The following GJA1 variants were observed in gnomAD, a reference collection of about 807,000 sequenced individuals.
GJA1 encodes the protein gap junction alpha-1 protein.
GJA1 carries 9 observed loss-of-function variants against 31.0 expected under a neutral mutation model. That is an observed-to-expected ratio of 0.29 (90% CI 0.17 to 0.51). GJA1 has a LOEUF of 0.51. GJA1 is among the 20% of genes least tolerant of loss of function. The pLI is 0.98. For synonymous variants in GJA1, 186 were observed against 180.1 expected (o/e 1.03, Z -0.26); for missense variants, 278 against 468.8 (o/e 0.59, Z 3.76).
chr6:121,435,885 G>T (rs1202992076), intron 1 of GJA1, 53 bp downstream of exon 1: 1 of 152,052 alleles, frequency 6.6e-6, no homozygotes, highest in Non-Finnish European at 1.5e-5. Flanking sequence ...TTTTCTACAA[G>T]TAAAACTTTT....
At chr6:121,444,778 A>C (rs1433798528) in intron 1 of GJA1, among the ~76,000 whole-genome samples, 2 of 152,226 alleles carry the variant, frequency 1.3e-5, no homozygotes, top group Non-Finnish European at 2.9e-5. Context: ...TTATTAAACA[A>C]TCTTTGACTA....
intron 1 of GJA1, among the ~76,000 whole-genome samples, chr6:121,437,614 T>G (rs1005985069): frequency 2.4e-4 from 36 of 152,064 alleles, no homozygotes; most frequent in African/African-American, 8.7e-4. Context: ...GTAGCAGCGC[T>G]GCGCCCACCC....
At chr6:121,437,157 C>A (rs1317668943) in intron 1 of GJA1, among the ~76,000 whole-genome samples, 2 of 152,192 alleles carry the variant, frequency 1.3e-5, no homozygotes, top group Admixed American at 6.5e-5. Context: ...GCTGCCCGAA[C>A]CAGCTCGGTC....
At chr6:121,441,951 T>G (rs1456491270) in intron 1 of GJA1, among the ~76,000 whole-genome samples, 3 of 152,190 alleles carry the variant, frequency 2.0e-5, no homozygotes, top group Admixed American at 1.3e-4. Flanking sequence ...TTTGAGTTTT[T>G]GGGCATGAAT....
chr6:121,439,060 G>A (rs1773719139), intron 1 of GJA1, among the ~76,000 whole-genome samples: 1 of 152,092 alleles, frequency 6.6e-6, no homozygotes, highest in Non-Finnish European at 1.5e-5. Context: ...CCCTTTGAGA[G>A]GCTGAGGTGG....
intron 1 of GJA1, among the ~76,000 whole-genome samples, chr6:121,436,193 G>GGGGGC (rs1363721810): frequency 1.8e-5 from 2 of 110,468 alleles, no homozygotes; most frequent in Non-Finnish European, 3.6e-5. Flanking sequence ...GTGGGGGGGG[G>GGGGGC]GCGGTTAGGC....
intron 1 of GJA1, among the ~76,000 whole-genome samples, chr6:121,440,912 T>G (rs566488323): frequency 2.2e-3 from 310 of 142,296 alleles, no homozygotes; most frequent in African/African-American, 7.1e-3. Context: ...TGGCTACTTT[T>G]TTGTTGTTGT....
chr6:121,436,934 A>G (rs1773673560), intron 1 of GJA1, among the ~76,000 whole-genome samples: 1 of 152,254 alleles, frequency 6.6e-6, no homozygotes, highest in Admixed American at 6.5e-5. Flanking sequence ...GCAGCCATGC[A>G]TTTTTGTGCC....
intron 1 of GJA1, among the ~76,000 whole-genome samples, chr6:121,441,387 T>C (rs1027896660): frequency 6.6e-6 from 1 of 152,112 alleles, no homozygotes; most frequent in Non-Finnish European, 1.5e-5. Context: ...CATCTCTTAC[T>C]CTTTCAAGCA....
intron 1 of GJA1, among the ~76,000 whole-genome samples, chr6:121,445,624 G>C (rs1279812214): frequency 6.6e-6 from 1 of 152,200 alleles, no homozygotes; most frequent in Non-Finnish European, 1.5e-5. Flanking sequence ...AAAACACCCT[G>C]AAGTAGGTTT....
intron 1 of GJA1, among the ~76,000 whole-genome samples, chr6:121,442,813 G>A (rs945595119): frequency 6.6e-6 from 1 of 152,134 alleles, no homozygotes; most frequent in African/African-American, 2.4e-5. Context: ...TCCAGTCTAG[G>A]GGGCCATGAA....
At chr6:121,442,427 C>A (rs531180459) in intron 1 of GJA1, among the ~76,000 whole-genome samples, 1 of 152,292 alleles carries the variant, frequency 6.6e-6, no homozygotes, top group South Asian at 2.1e-4. Flanking sequence ...TCTCAGGGAG[C>A]TGCAGATGGA....
In GJA1 at chr6:121,447,499, T is replaced by C. The variant is rs757334937; in HGVS notation, c.652T>C (p.Leu218=). 9 of 1,614,012 alleles carry C rather than the reference T, an allele frequency of 5.6e-6. No individual in the cohort carries two copies. The South Asian group carries it at 8.8e-5, about 16-fold the overall frequency. The change falls in exon 2 of 2, where the codon TTG becomes CTG. Residue 218 remains leucine (L), a synonymous_variant. Transcript: ENST00000282561. ...CATCATCTTCATGCTGGTGGTGTCCTTGGTGTCCCTGGCCTTGAATATCAT... is the reference window on the plus strand; with the variant it reads ...CATCATCTTCATGCTGGTGGTGTCCCTGGTGTCCCTGGCCTTGAATATCAT... ...IFIIFMLVVS[L]VSLALNIIEL...
In GJA1 at chr6:121,447,091, A is replaced by T. The variant is rs1466665249; in HGVS notation, c.244A>T (p.Ile82Phe). ...TCATGTGCGCTTCTGGGTCCTGCAG[A>T]TCATATTTGTGTCTGTACCCACACT... Reference protein sequence around the residue: ...ISHVRFWVLQIIFVSVPTLLY... With the variant: ...ISHVRFWVLQFIFVSVPTLLY... The change falls in exon 2 of 2, where the codon ATC becomes TTC. Residue 82 changes from isoleucine (I) to phenylalanine (F), a missense_variant. Physicochemically the swap from Ile to Phe is conservative, Grantham distance 21. Around this residue, in one of 3 missense-constraint regions of GJA1, gnomAD observed 26 missense variants for 114.4 expected, o/e 0.23. Coordinates refer to ENST00000282561, the MANE Select transcript of GJA1 (RefSeq NM_000165.5). 1.2e-6 allele frequency: 2 copies of T among 1,613,772 alleles called. No homozygotes were observed. Among genetic ancestry groups the T allele is most frequent in the African/African-American group, 2.7e-5 (2 of 74,878 alleles).
chr6:121,442,011 C>CA (rs1264543944), intron 1 of GJA1, among the ~76,000 whole-genome samples: 5 of 152,084 alleles, frequency 3.3e-5, no homozygotes, highest in African/African-American at 7.2e-5. Context: ...CCTTTCCTCC[C>CA]AAAAAATCCA....
At chr6:121,440,977 C>T (rs1412873911) in intron 1 of GJA1, among the ~76,000 whole-genome samples, 3 of 150,994 alleles carry the variant, frequency 2.0e-5, no homozygotes, top group Admixed American at 2.0e-4. Context: ...GAGTCTCGCT[C>T]TGTCGCCCAG....
chr6:121,443,389 C>T (rs544647067), intron 1 of GJA1, among the ~76,000 whole-genome samples: 67 of 152,170 alleles, frequency 4.4e-4, no homozygotes, highest in Middle Eastern at 3.4e-3. Context: ...TTCGATAATT[C>T]GTATCTTATT....
chr6:121,436,184 T>TCGG, intron 1 of GJA1, among the ~76,000 whole-genome samples: 1 of 29,888 alleles, frequency 3.3e-5, no homozygotes, highest in South Asian at 2.1e-3. Context: ...ATTTGTTGGG[T>TCGG]GGGGGGGGGG....
At chr6:121,437,976 T>C (rs1378909584) in intron 1 of GJA1, among the ~76,000 whole-genome samples, 1 of 152,080 alleles carries the variant, frequency 6.6e-6, no homozygotes. Flanking sequence ...AGAGATTTCA[T>C]TAAGCGAGCG....
Sources: gnomAD v4.1 joint callset for allele counts (sites outside exome capture counted in the v4.1 genomes callset) on GRCh38, gnomAD v4.1.1 for gene constraint, gnomAD v4.1.1 regional missense constraint, MANE v1.5 for transcripts, NCBI Gene and HGNC (gene_info 2026-07-23, HGNC 2026-07-21) for gene names.